Variants in USP3 observed in about 807,000 individuals in gnomAD.
USP3 encodes the protein ubiquitin carboxyl-terminal hydrolase 3.
USP3 carries 20 observed loss-of-function variants against 72.3 expected under a neutral mutation model. The ratio of observed to expected loss-of-function variants is 0.28; its 90% CI spans 0.19 to 0.40. USP3 has a LOEUF of 0.40. USP3 is among the 10% of genes least tolerant of loss of function. The pLI, the probability that USP3 is intolerant of heterozygous loss-of-function variation, is 1.00. For synonymous variants in USP3, 222 were observed against 225.3 expected (o/e 0.99, Z 0.13); for missense variants, 479 against 633.9 (o/e 0.76, Z 2.62).
At chr15:63,548,526 C>T (rs1015981721) in intron 3 of USP3, among the ~76,000 whole-genome samples, 1 of 152,082 alleles carries the variant, frequency 6.6e-6, no homozygotes, top group Admixed American at 6.5e-5. Context: ...CAGGGTTTCA[C>T]CATGTTGGTC....
rs143357602 is a variant in USP3 at position 63,565,112 on chromosome 15, T to C, written c.761+2104T>C. 1.3e-3 allele frequency among the ~76,000 whole-genome samples: 200 copies of C among 152,342 alleles called. 3 individuals are homozygous for C. Among genetic ancestry groups the C allele is most frequent in the Admixed American group, 8.4e-3 (128 of 15,302 alleles). On this transcript the variant is annotated intron_variant, in intron 8 of 14. Transcript: ENST00000380324. ...TGATTAACACATGACAGACAGTGTC[T>C]AGAGAACTTGATCCTTTGGGATGAA...
intron 9 of USP3, among the ~76,000 whole-genome samples, chr15:63,573,011 G>A (rs768315987): frequency 1.3e-5 from 2 of 152,144 alleles, no homozygotes; most frequent in Non-Finnish European, 1.5e-5. Flanking sequence ...TGGAGCCTGC[G>A]TGTAGTAAGT....
At chr15:63,563,754 C>T (rs1296255211) in intron 8 of USP3, among the ~76,000 whole-genome samples, 2 of 152,150 alleles carry the variant, frequency 1.3e-5, no homozygotes. Flanking sequence ...TAATATACAT[C>T]CCTTCTACTT....
intron 1 of USP3, among the ~76,000 whole-genome samples, chr15:63,513,492 A>G (rs965014661): frequency 6.6e-6 from 1 of 152,014 alleles, no homozygotes; most frequent in Non-Finnish European, 1.5e-5. Context: ...TGATCCTTCC[A>G]CTTCAGCCTC....
intron 9 of USP3, among the ~76,000 whole-genome samples, chr15:63,571,113 C>G (rs1489446999): frequency 6.6e-6 from 1 of 152,160 alleles, no homozygotes; most frequent in African/African-American, 2.4e-5. Context: ...TTCCCATGTA[C>G]TAGCAGCCCC....
intron 3 of USP3, among the ~76,000 whole-genome samples, chr15:63,545,491 C>A (rs1295355957): frequency 6.6e-6 from 1 of 152,040 alleles, no homozygotes; most frequent in Non-Finnish European, 1.5e-5. Context: ...AGTAAAGACA[C>A]CAATATTCTT....
At chr15:63,525,024 C>G (rs898675803) in intron 1 of USP3, among the ~76,000 whole-genome samples, 1 of 152,204 alleles carries the variant, frequency 6.6e-6, no homozygotes, top group Non-Finnish European at 1.5e-5. Flanking sequence ...GCTGAACTGA[C>G]TTTACCAGCA....
intron 1 of USP3, 31 bp from the exon 2 acceptor site, chr15:63,532,616 T>TTGGTA (rs748456244): frequency 6.2e-7 from 1 of 1,611,666 alleles, no homozygotes; most frequent in Non-Finnish European, 8.5e-7. Flanking sequence ...CATGATGCAA[T>TTGGTA]TGGTATATTG....
chr15:63,516,974 A>C (rs2065858642), intron 1 of USP3, among the ~76,000 whole-genome samples: 1 of 145,170 alleles, frequency 6.9e-6, no homozygotes, highest in Non-Finnish European at 1.5e-5. Context: ...GGGTGTCCTG[A>C]GTGTAGTCTC....
Position 63,594,510 on chromosome 15 carries a change from TTGTA to T in USP3, c.*3687_*3690del, listed in dbSNP as rs1286857642. On this transcript the variant is annotated 3_prime_UTR_variant, in exon 15 of 15. Transcript: ENST00000380324. ...TCATCATTTGCCATTAAAACCCAGT[TTGTA>T]TGATGCCAAGAGGATTAATTGTGCA... 2.6e-5 allele frequency: 4 copies of T among 152,210 alleles called. No homozygotes were observed. Among genetic ancestry groups the T allele is most frequent in the African/African-American group, 7.2e-5 (3 of 41,444 alleles). 9.4% of individuals were successfully genotyped at this position (152,210 alleles called of 1,614,324 possible).
chr15:63,550,323 A>G (rs1485773819), intron 3 of USP3, among the ~76,000 whole-genome samples: 1 of 152,196 alleles, frequency 6.6e-6, no homozygotes, highest in Admixed American at 6.5e-5. Context: ...CGGCCTGAAC[A>G]ATTTTAATAG....
At chr15:63,550,314 G>A (rs1430299425) in intron 3 of USP3, among the ~76,000 whole-genome samples, 1 of 152,128 alleles carries the variant, frequency 6.6e-6, no homozygotes, top group East Asian at 1.9e-4. Context: ...CACCATGCCC[G>A]GCCTGAACAA....
At chr15:63,522,302 G>C (rs990569166) in intron 1 of USP3, among the ~76,000 whole-genome samples, 1 of 152,208 alleles carries the variant, frequency 6.6e-6, no homozygotes, top group African/African-American at 2.4e-5. Flanking sequence ...CCCATCAGAG[G>C]GGCCACAAGT....
intron 2 of USP3, among the ~76,000 whole-genome samples, chr15:63,535,793 T>C (rs553571702): frequency 2.6e-5 from 4 of 152,220 alleles, no homozygotes; most frequent in Non-Finnish European, 5.9e-5. Flanking sequence ...TCCTACTTCC[T>C]CCAAGGTAAG....
rs1433714789 is a variant in USP3, at chr15:63,528,400, C to A, written c.92-4247C>A. Among the ~76,000 whole-genome samples the A allele has an allele frequency of 6.6e-6, 1 of 152,002 alleles. No homozygotes were observed. Among genetic ancestry groups the A allele is most frequent in the Admixed American group, 6.5e-5 (1 of 15,272 alleles). ...GTATTAAAGAGCCCTTATAAATTCC[C>A]AGACTTAACTTTTTAAGCCTTCACA... On this transcript the variant is annotated intron_variant, in intron 1 of 14. Coordinates refer to ENST00000380324, the MANE Select transcript of USP3 (RefSeq NM_006537.4). The surrounding 1 kb of genome is among the most constrained non-coding windows in gnomAD (Gnocchi z 4.3).
chr15:63,543,206 A>T (rs2066271044), intron 3 of USP3, among the ~76,000 whole-genome samples: 1 of 152,202 alleles, frequency 6.6e-6, no homozygotes, highest in Non-Finnish European at 1.5e-5. Context: ...TATAAAAAGT[A>T]GTCCTTTTCT....
At chr15:63,540,596 TAG>T (rs1269613515) in intron 3 of USP3, among the ~76,000 whole-genome samples, 5 of 152,274 alleles carry the variant, frequency 3.3e-5, no homozygotes, top group Non-Finnish European at 5.9e-5. Flanking sequence ...AATCATGATA[TAG>T]GTGAACTACT....
rs148278583 is a variant in USP3 at position 63,576,897 on chromosome 15, G to C, written c.1096+2494G>C. On this transcript the variant is annotated intron_variant, in intron 11 of 14. Coordinates refer to ENST00000380324, the MANE Select transcript of USP3 (RefSeq NM_006537.4). ...GACATCCAGAATGTCATGGACTTCA[G>C]TTGACTGATACACCTTTCTTTATTT... Among the ~76,000 whole-genome samples the C allele has an allele frequency of 3.9e-4, 60 of 152,082 alleles. No homozygotes were observed. The East Asian group carries it at 8.7e-3, about 22-fold the overall frequency.
intron 14 of USP3, among the ~76,000 whole-genome samples, chr15:63,589,765 CAT>C (rs1215006443): frequency 6.6e-6 from 1 of 152,160 alleles, no homozygotes; most frequent in Non-Finnish European, 1.5e-5. Flanking sequence ...CTCCCTTCCA[CAT>C]GTCTTAAATA....
Sources: gnomAD v4.1 joint callset for allele counts (sites outside exome capture counted in the v4.1 genomes callset) on GRCh38, gnomAD v4.1.1 for gene constraint, Gnocchi (gnomAD v3.1) non-coding constraint, MANE v1.5 for transcripts, NCBI Gene and HGNC (gene_info 2026-07-23, HGNC 2026-07-21) for gene names.